The following COL11A1 variants were observed in gnomAD, a reference collection of about 807,000 sequenced individuals.
The protein encoded by COL11A1 is collagen type XI alpha 1 chain, also known as collagen alpha-1(XI) chain.
A neutral mutation model predicts 265.2 loss-of-function variants in COL11A1; 74 were observed. The observed-to-expected ratio is 0.28, with a 90% CI of 0.23 to 0.34. The LOEUF (loss-of-function observed/expected upper bound fraction) is 0.34, where lower values mean the gene tolerates loss of function less well. Ranked by LOEUF, COL11A1 falls within the 10% of genes least tolerant of loss-of-function variation. The pLI is 1.00. For missense variants in COL11A1, 2,165 were observed against 2,263.6 expected, an observed-to-expected ratio of 0.96 and a Z score of 0.88; for synonymous variants, 816 against 727.6, an observed-to-expected ratio of 1.12 and a Z score of -1.96.
Position 102,877,870 on chromosome 1 carries a change from C to G in COL11A1, c.*149G>C. The G allele has an allele frequency of 2.7e-6, 2 of 736,276 alleles. No homozygotes were observed. The highest frequency in any genetic ancestry group is 1.7e-5 in the South Asian group (1 of 59,456). The allele number at this position is 736,276 out of a possible 1,614,324, so 45.6% of individuals were successfully genotyped here. A position where few individuals can be genotyped will look rare whatever the true frequency, so the allele number is the denominator to read the frequency against. On this transcript the variant is annotated 3_prime_UTR_variant, in exon 67 of 67. Transcript: ENST00000370096. The stretch of plus-strand genomic sequence containing the variant: ...AGCTTTTGCCATGTGATTCTGCCCC[C>G]ACAAAGGCATCGGTATTTCCTAAAT...
intron 42 of COL11A1, among the ~76,000 whole-genome samples, chr1:102,941,838 A>G (rs943849602): frequency 2.0e-5 from 3 of 152,118 alleles, no homozygotes; most frequent in Non-Finnish European, 2.9e-5. Context: ...AAATTGCCCT[A>G]TCAGATAATA....
chr1:103,107,424 G>A (rs1339589030), intron 1 of COL11A1, among the ~76,000 whole-genome samples: 4 of 151,922 alleles, frequency 2.6e-5, no homozygotes, highest in African/African-American at 9.7e-5. Context: ...AGGGGAAAGT[G>A]TTCTCCCTAT....
At chr1:103,042,784 C>A (rs990620580) in intron 4 of COL11A1, among the ~76,000 whole-genome samples, 1 of 151,282 alleles carries the variant, frequency 6.6e-6, no homozygotes, top group Admixed American at 6.6e-5. Flanking sequence ...GATTTCCCAG[C>A]CTCCCTGCTC....
intron 4 of COL11A1, among the ~76,000 whole-genome samples, chr1:103,050,142 G>A (rs1304734690): frequency 6.6e-6 from 1 of 152,104 alleles, no homozygotes; most frequent in African/African-American, 2.4e-5. Flanking sequence ...TTTGAATGTT[G>A]GCCCTGCCTT....
chr1:103,010,285 G>A (rs576691512), intron 14 of COL11A1, among the ~76,000 whole-genome samples: 40 of 152,206 alleles, frequency 2.6e-4, no homozygotes, highest in African/African-American at 8.7e-4. Flanking sequence ...ATAGAATTAA[G>A]AGATATTTGG....
At chr1:103,030,690 C>T (rs1198306284) in intron 5 of COL11A1, among the ~76,000 whole-genome samples, 1 of 152,132 alleles carries the variant, frequency 6.6e-6, no homozygotes, top group Admixed American at 6.5e-5. Context: ...AGCCTGAAAA[C>T]TTTAAGATAG....
At chr1:102,956,643 A>G (rs1660395814) in intron 41 of COL11A1, among the ~76,000 whole-genome samples, 1 of 152,082 alleles carries the variant, frequency 6.6e-6, no homozygotes, top group Admixed American at 6.6e-5. Context: ...GTTATGCTCC[A>G]TGAGTAGGTT....
At position 103,058,866 on chromosome 1, in the gene COL11A1, C is replaced by A. The variant is rs564844533; in HGVS notation, c.651+15752G>T. 1.9e-4 allele frequency among the ~76,000 whole-genome samples: 29 copies of A among 152,188 alleles called. No individual in the cohort carries two copies. The South Asian group carries it at 5.2e-3, about 27-fold the overall frequency. The stretch of plus-strand genomic sequence containing the variant: ...TGGTAATTCTCATGACATTTCAAAT[C>A]TTTTCATTTTTATAACTGCTATGGT... On this transcript the variant is annotated intron_variant, in intron 4 of 66. Coordinates refer to ENST00000370096, the MANE Select transcript of COL11A1 (RefSeq NM_001854.4).
At chr1:102,901,003 G>A (rs1477700386) in intron 54 of COL11A1, among the ~76,000 whole-genome samples, 2 of 152,106 alleles carry the variant, frequency 1.3e-5, no homozygotes, top group Non-Finnish European at 2.9e-5. Context: ...GAGGGCTCAT[G>A]AATTGATTAA....
chr1:102,887,206 A>G, intron 62 of COL11A1, 150 bp from the exon 63 acceptor site: 1 of 877,630 alleles, frequency 1.1e-6, no homozygotes, highest in Non-Finnish European at 1.7e-6. Flanking sequence ...ATAAGTTTAT[A>G]AATATATAAA....
At chr1:102,978,979 T>C in intron 33 of COL11A1, 66 bp from the exon 34 acceptor site, 31 of 1,609,658 alleles carry the variant, frequency 1.9e-5, no homozygotes, top group Non-Finnish European at 2.6e-5. Context: ...CTAAATCAAT[T>C]TTTATTTTTG....
chr1:102,979,398 C>T lies in COL11A1; in HGVS notation c.2594G>A (p.Gly865Glu). 1 of 1,610,324 alleles carries T rather than the reference C, an allele frequency of 6.2e-7. No individual in the cohort carries two copies. The highest frequency in any genetic ancestry group is 8.5e-7 in the Non-Finnish European group (1 of 1,176,670). The change falls in exon 32 of 67, where the codon GGA becomes GAA. Residue 865 changes from glycine (G) to glutamate (E), a missense_variant. Transcript: ENST00000370096. ...ATATCATACCCGTGCACCTTTCTCT[C>T]CATTGGCACCTGGAAACCCAGGGAA... The part of the protein sequence containing the change: ...TGFPGFPGAN[G>E]EKGARGVAGK...
chr1:103,054,640 G>T (rs567857120), intron 4 of COL11A1, among the ~76,000 whole-genome samples: 1 of 152,246 alleles, frequency 6.6e-6, no homozygotes, highest in East Asian at 1.9e-4. Flanking sequence ...GGTGGCTCAT[G>T]TCTGTAATCT....
chr1:103,017,901 T>G lies in COL11A1; in HGVS notation c.1351-19A>C. 6.3e-7 allele frequency: 1 copy of G among 1,585,852 alleles called. No individual in the cohort carries two copies. The highest frequency in any genetic ancestry group is 8.7e-7 in the Non-Finnish European group (1 of 1,154,400). ...TAATACCCTATAGAGAAACACACCA[T>G]ATCTTAATCAGATTCCTAATCTCAT... On this transcript the variant is annotated intron_variant, in intron 10 of 66. Coordinates refer to ENST00000370096, the MANE Select transcript of COL11A1 (RefSeq NM_001854.4).
chr1:103,096,812 T>G (rs1167136213), intron 1 of COL11A1, among the ~76,000 whole-genome samples: 1 of 152,034 alleles, frequency 6.6e-6, no homozygotes, highest in African/African-American at 2.4e-5. Context: ...AAATCATTGT[T>G]TGCAATTTTT....
Position 103,026,240 on chromosome 1 carries a change from A to G in COL11A1, c.873T>C (p.Thr291=). ...CCTCCGTCTGTGCTATTGTCTCCTCAGTTACAGTGGGTCCCTCTGTTACAC... is the reference window on the plus strand; with the variant it reads ...CCTCCGTCTGTGCTATTGTCTCCTCGGTTACAGTGGGTCCCTCTGTTACAC... ...AESVTEGPTV[T]EETIAQTEAN... Residue 291 remains threonine, a synonymous_variant, in exon 6 of 67, where the codon ACT becomes ACC. Coordinates refer to ENST00000370096, the MANE Select transcript of COL11A1 (RefSeq NM_001854.4). The G allele has an allele frequency of 6.2e-7, 1 of 1,612,704 alleles. No homozygotes were observed. The highest frequency in any genetic ancestry group is 8.5e-7 in the Non-Finnish European group (1 of 1,178,710).
At chr1:103,095,609 T>C (rs1284474820) in intron 1 of COL11A1, among the ~76,000 whole-genome samples, 1 of 152,030 alleles carries the variant, frequency 6.6e-6, no homozygotes, top group Non-Finnish European at 1.5e-5. Flanking sequence ...GAGACAAATA[T>C]GTCTCAACAA....
At position 102,970,175 on chromosome 1, in the gene COL11A1, T is replaced by A. The variant is rs377689452; in HGVS notation, c.2862+44A>T. 2.0e-6 allele frequency: 3 copies of A among 1,511,280 alleles called. No homozygotes were observed. The African/African-American group carries it at 4.1e-5, about 21-fold the overall frequency. 93.6% of individuals were successfully genotyped at this position (1,511,280 alleles called of 1,614,324 possible). ...GCTTTCTATGTATGAACTGATGAGG[T>A]GCTAGAGATGGAAATTTTTAATAAG... On this transcript the variant is annotated intron_variant, in intron 37 of 66. Coordinates refer to ENST00000370096, the MANE Select transcript of COL11A1 (RefSeq NM_001854.4).
intron 49 of COL11A1, among the ~76,000 whole-genome samples, chr1:102,916,340 G>T (rs1171593694): frequency 1.3e-5 from 2 of 152,002 alleles, no homozygotes; most frequent in African/African-American, 4.8e-5. Flanking sequence ...AACTAGTAGG[G>T]TTTAGCTATG....
Sources: allele counts gnomAD v4.1 joint callset (sites outside exome capture counted in the v4.1 genomes callset), GRCh38; gene constraint gnomAD v4.1.1; transcripts MANE v1.5; gene names NCBI Gene and HGNC (gene_info 2026-07-23, HGNC 2026-07-21).